Variants in ZBTB44 observed in about 807,000 individuals in gnomAD.
The protein encoded by ZBTB44 is zinc finger and BTB domain containing 44, also known as zinc finger and BTB domain-containing protein 44.
ZBTB44 carries 15 observed loss-of-function variants against 54.0 expected under a neutral mutation model. That is an observed-to-expected ratio of 0.28 (90% CI 0.19 to 0.43). The LOEUF (loss-of-function observed/expected upper bound fraction) is 0.43. Among genes scored for constraint, ZBTB44 ranks in the 20% least tolerant of loss-of-function variants. The pLI is 1.00. For synonymous variants in ZBTB44, 230 were observed against 250.1 expected (o/e 0.92, Z 0.76); for missense variants, 487 against 707.1 (o/e 0.69, Z 3.53).
At chr11:130,238,793 G>GTT (rs376319486) in intron 3 of ZBTB44, 186 bp from the exon 4 acceptor site, 1,224 of 492,706 alleles carry the variant, frequency 2.5e-3, no homozygotes, top group South Asian at 3.1e-3. Context: ...AATGCCTTTT[G>GTT]TTTTTTTTTT....
intron 1 of ZBTB44, among the ~76,000 whole-genome samples, chr11:130,264,658 G>A (rs1316233736): frequency 6.6e-6 from 1 of 152,144 alleles, no homozygotes; most frequent in Admixed American, 6.5e-5. Flanking sequence ...ATGAGGAAAT[G>A]CATTCTCTAC....
At chr11:130,306,451 G>A (rs1030103108) in intron 1 of ZBTB44, among the ~76,000 whole-genome samples, 5 of 151,506 alleles carry the variant, frequency 3.3e-5, no homozygotes, top group African/African-American at 4.9e-5. Flanking sequence ...GCAGTGAGCC[G>A]AGATTGCGCC....
intron 2 of ZBTB44, among the ~76,000 whole-genome samples, chr11:130,248,565 C>T (rs1185688763): frequency 6.6e-6 from 1 of 151,958 alleles, no homozygotes; most frequent in Non-Finnish European, 1.5e-5. Flanking sequence ...TACTTGAACT[C>T]AGGAGGCAGA....
chr11:130,231,974 T>G (rs1953892510), intron 7 of ZBTB44: 1 of 152,282 alleles, frequency 6.6e-6, no homozygotes, highest in African/African-American at 2.4e-5. Flanking sequence ...ATGCTGATTC[T>G]CCTGAAGGGA....
intron 5 of ZBTB44, among the ~76,000 whole-genome samples, chr11:130,236,376 A>T (rs1954112963): frequency 6.6e-6 from 1 of 152,204 alleles, no homozygotes; most frequent in South Asian, 2.1e-4. Flanking sequence ...TTTATATAGA[A>T]TATTTTTAAA....
chr11:130,246,938 C>T (rs769056241), intron 2 of ZBTB44, among the ~76,000 whole-genome samples: 1 of 152,168 alleles, frequency 6.6e-6, no homozygotes, highest in Non-Finnish European at 1.5e-5. Context: ...CCCCATCTCT[C>T]GCTGGCTAAT....
chr11:130,259,843 A>T (rs1938724759), intron 2 of ZBTB44, among the ~76,000 whole-genome samples: 1 of 152,068 alleles, frequency 6.6e-6, no homozygotes, highest in Non-Finnish European at 1.5e-5. Flanking sequence ...TAGGATAAAT[A>T]CGTAACGCAG....
intron 1 of ZBTB44, among the ~76,000 whole-genome samples, chr11:130,293,084 T>G (rs1299249814): frequency 6.6e-6 from 1 of 152,172 alleles, no homozygotes; most frequent in African/African-American, 2.4e-5. Flanking sequence ...TTGTGATCTT[T>G]ATTTCACACT....
intron 1 of ZBTB44, among the ~76,000 whole-genome samples, chr11:130,276,822 T>C (rs922464503): frequency 6.6e-6 from 1 of 152,206 alleles, no homozygotes; most frequent in Admixed American, 6.5e-5. Context: ...TTCATGTATT[T>C]TGGTATTCTG....
At position 130,310,251 on chromosome 11, in the gene ZBTB44, A is replaced by C. The variant is rs750033068; in HGVS notation, c.-57+4124T>G. On this transcript the variant is annotated intron_variant, in intron 1 of 7. Transcript: ENST00000357899. ...TGAGGCAGGAAGATCCCTTGAGCCC[A>C]GAAGTTCTGGACTGTAGTATCCTAT... is the stretch of plus-strand genomic sequence containing the variant. 34 of 152,284 alleles carry C rather than the reference A, an allele frequency of 2.2e-4. 1 individual carries two copies. The highest frequency in any genetic ancestry group is 4.1e-4 in the Non-Finnish European group (28 of 68,104). The allele number at this position is 152,284 out of a possible 1,614,324, so 9.4% of individuals were successfully genotyped here.
chr11:130,288,961 AC>A (rs1270386569), intron 1 of ZBTB44, among the ~76,000 whole-genome samples: 3 of 152,122 alleles, frequency 2.0e-5, no homozygotes, highest in Non-Finnish European at 4.4e-5. Flanking sequence ...AGAACTTAAA[AC>A]AAGACTAAGC....
chr11:130,281,848 G>T, intron 1 of ZBTB44, among the ~76,000 whole-genome samples: 1 of 152,216 alleles, frequency 6.6e-6, no homozygotes, highest in East Asian at 1.9e-4. Flanking sequence ...CTCGTGATCC[G>T]CCCGCCTTGG....
intron 1 of ZBTB44, among the ~76,000 whole-genome samples, chr11:130,309,753 G>A (rs1048520953): frequency 2.6e-5 from 4 of 151,830 alleles, no homozygotes; most frequent in Admixed American, 1.3e-4. Flanking sequence ...TTAGCTGGGC[G>A]TGGTGGTACA....
chr11:130,238,695 AT>A, intron 3 of ZBTB44, 88 bp from the exon 4 acceptor site: 1 of 1,295,654 alleles, frequency 7.7e-7, no homozygotes, highest in East Asian at 2.8e-5. Context: ...ATGAAAAAAG[AT>A]AAAACACTTA....
Position 130,296,152 on chromosome 11 carries a change from C to T in ZBTB44, c.-57+18223G>A, listed in dbSNP as rs192854448. 1.9e-4 allele frequency: 273 copies of T among 1,445,944 alleles called. No homozygotes were observed. The East Asian group carries it at 3.4e-3, about 18-fold the overall frequency. The allele number at this position is 1,445,944 out of a possible 1,614,324, so 89.6% of individuals were successfully genotyped here. A position where few individuals can be genotyped will look rare whatever the true frequency, so the allele number is the denominator to read the frequency against. On this transcript the variant is annotated intron_variant, in intron 1 of 7. Transcript: ENST00000357899. ...TATGCTCTTTTCTGCCACCCAAACTCGAAAAGTTTTGAAGGTTGGCAAGGA... is the reference window on the plus strand; with the variant it reads ...TATGCTCTTTTCTGCCACCCAAACTTGAAAAGTTTTGAAGGTTGGCAAGGA...
At chr11:130,272,657 C>T (rs1353713699) in intron 1 of ZBTB44, among the ~76,000 whole-genome samples, 1 of 150,670 alleles carries the variant, frequency 6.6e-6, no homozygotes, top group Non-Finnish European at 1.5e-5. Context: ...AATTCCTTGC[C>T]AAATACAAAG....
intron 5 of ZBTB44, chr11:130,236,352 C>T (rs911122653): frequency 1.4e-6 from 1 of 739,814 alleles, no homozygotes; most frequent in Non-Finnish European, 1.8e-6. Flanking sequence ...TTCTTACTGG[C>T]CAATGGCTAT....
rs1283906796 is a variant in ZBTB44 at position 130,236,311 on chromosome 11, A to G, written c.1568+482T>C. 3 of 1,186,322 alleles carry G rather than the reference A, an allele frequency of 2.5e-6. No individual in the cohort carries two copies. In the East Asian group the frequency reaches 1.7e-4, roughly 68 times the overall value. 73.5% of individuals were successfully genotyped at this position (1,186,322 alleles called of 1,614,324 possible). On this transcript the variant is annotated intron_variant, in intron 5 of 7. Transcript: ENST00000357899. Reference sequence around the variant, plus strand: ...TAGCAATGACTTCATGATCTAAACCATCACACCCACTATAGTTGCCTTTGA... The same window carrying G: ...TAGCAATGACTTCATGATCTAAACCGTCACACCCACTATAGTTGCCTTTGA...
intron 1 of ZBTB44, among the ~76,000 whole-genome samples, chr11:130,268,221 T>TAA (rs1157408386): frequency 7.1e-6 from 1 of 140,946 alleles, no homozygotes; most frequent in African/African-American, 2.8e-5. Flanking sequence ...CACGTCTAAT[T>TAA]TAAAAAAAAA....
Sources: gnomAD v4.1 joint callset for allele counts (sites outside exome capture counted in the v4.1 genomes callset) on GRCh38, gnomAD v4.1.1 for gene constraint, MANE v1.5 for transcripts, NCBI Gene and HGNC (gene_info 2026-07-23, HGNC 2026-07-21) for gene names.